HIBCH: variants seen among roughly 807,000 people sequenced by gnomAD.
HIBCH encodes the protein 3-hydroxyisobutyryl-CoA hydrolase.
A neutral mutation model predicts 58.2 loss-of-function variants in HIBCH; 50 were observed. The ratio of observed to expected loss-of-function variants is 0.86; its 90% CI spans 0.68 to 1.09. The LOEUF (loss-of-function observed/expected upper bound fraction) is 1.09. Among genes scored for constraint, HIBCH ranks in the 50% least tolerant of loss-of-function variants. The pLI is 0.00. For missense variants in HIBCH, 450 were observed against 449.7 expected, an observed-to-expected ratio of 1.00 and a Z score of -0.01; for synonymous variants, 151 against 146.9, an observed-to-expected ratio of 1.03 and a Z score of -0.20.
chr2:190,261,835 G>A (rs1687095103), intron 6 of HIBCH, among the ~76,000 whole-genome samples: 1 of 152,088 alleles, frequency 6.6e-6, no homozygotes, highest in African/African-American at 2.4e-5. Flanking sequence ...TACTAGATAA[G>A]GCCACTGCCT....
Position 190,208,929 on chromosome 2 carries a change from G to A in HIBCH, c.1012-16C>T. 3 of 1,611,304 alleles carry A rather than the reference G, an allele frequency of 1.9e-6. No homozygotes were observed. The highest frequency in any genetic ancestry group is 2.2e-5 in the South Asian group (2 of 90,912). On this transcript the variant is annotated splice_polypyrimidine_tract_variant and intron_variant, in intron 12 of 13. Transcript: ENST00000359678. ...CATGACCTCTCTGAAAGAAAATTGAGATTAAATGGGGATAATTTCTGGGTG... is the reference window on the plus strand; with the variant it reads ...CATGACCTCTCTGAAAGAAAATTGAAATTAAATGGGGATAATTTCTGGGTG...
rs538103400 is a variant in HIBCH, at chr2:190,276,113, G to A, written c.438+11473C>T. 2.8e-4 allele frequency among the ~76,000 whole-genome samples: 42 copies of A among 152,314 alleles called. 1 individual carries two copies. In the South Asian group the frequency reaches 8.5e-3, roughly 31 times the overall value. ...AAGAGAGAGAAGTGGTCCAGTCAAA[G>A]CACAAGCAGACTGGTCAAGAGCAAA... On this transcript the variant is annotated intron_variant, in intron 6 of 13. Transcript: ENST00000359678.
intron 11 of HIBCH, among the ~76,000 whole-genome samples, chr2:190,237,414 T>C (rs1686306639): frequency 6.6e-6 from 1 of 152,242 alleles, no homozygotes; most frequent in African/African-American, 2.4e-5. Flanking sequence ...GAAGTAGTAT[T>C]CCATTGTATA....
chr2:190,260,002 C>T (rs1170779141), intron 7 of HIBCH, among the ~76,000 whole-genome samples: 2 of 151,940 alleles, frequency 1.3e-5, no homozygotes, highest in African/African-American at 4.8e-5. Flanking sequence ...AAATCAGGAA[C>T]AAGGAAAAAA....
intron 1 of HIBCH, among the ~76,000 whole-genome samples, chr2:190,317,525 T>A (rs1305732671): frequency 6.6e-6 from 1 of 152,204 alleles, no homozygotes; most frequent in Non-Finnish European, 1.5e-5. Flanking sequence ...CTGGTAAAAC[T>A]GTATTTAATT....
At chr2:190,208,831 C>A in intron 13 of HIBCH, 49 bp downstream of exon 13, 1 of 1,535,422 alleles carries the variant, frequency 6.5e-7, no homozygotes, top group Non-Finnish European at 9.0e-7. Flanking sequence ...ACAGCATATG[C>A]TCACAAATCC....
intron 11 of HIBCH, among the ~76,000 whole-genome samples, chr2:190,226,641 C>CCTGTTTGCA (rs953185939): frequency 2.7e-5 from 4 of 150,870 alleles, no homozygotes; most frequent in African/African-American, 9.7e-5. Flanking sequence ...TCAAATTGTC[C>CCTGTTTGCA]CTGTTTGCAG....
intron 7 of HIBCH, among the ~76,000 whole-genome samples, chr2:190,256,979 T>C (rs1686942530): frequency 6.6e-6 from 1 of 152,142 alleles, no homozygotes; most frequent in South Asian, 2.1e-4. Context: ...GTGAGCCTTA[T>C]AGAAGTATGA....
At chr2:190,283,868 C>G (rs975471456) in intron 6 of HIBCH, among the ~76,000 whole-genome samples, 11 of 152,184 alleles carry the variant, frequency 7.2e-5, no homozygotes, top group Non-Finnish European at 1.3e-4. Flanking sequence ...TGGTACATAA[C>G]TAGTACCATT....
chr2:190,278,256 G>A (rs1432736523), intron 6 of HIBCH, among the ~76,000 whole-genome samples: 1 of 151,990 alleles, frequency 6.6e-6, no homozygotes, highest in Non-Finnish European at 1.5e-5. Context: ...CCAGGCTGAA[G>A]TGCAATGGTA....
downstream of HIBCH, chr2:190,199,912 G>T: frequency 1.2e-6 from 2 of 1,614,084 alleles, no homozygotes; most frequent in Non-Finnish European, 1.7e-6. Flanking sequence ...CATATATGAA[G>T]GTGAGAAGCA....
chr2:190,232,667 TAA>T lies in HIBCH; in HGVS notation c.891+12218_891+12219del, dbSNP rs1686139150. On this transcript the variant is annotated intron_variant, in intron 11 of 13. Transcript: ENST00000359678. ...GCCATTACTTTTATGACAAAAAACA[TAA>T]TAATAGAGGCCGGGCATGGTGGCTC... 5.3e-5 allele frequency among the ~76,000 whole-genome samples: 8 copies of T among 152,222 alleles called. No homozygotes were observed. The South Asian group carries it at 1.7e-3, about 32-fold the overall frequency.
intron 11 of HIBCH, among the ~76,000 whole-genome samples, chr2:190,220,071 A>G (rs536497119): frequency 6.6e-6 from 1 of 152,212 alleles, no homozygotes; most frequent in Non-Finnish European, 1.5e-5. Context: ...TAAAATAAGA[A>G]TTACAGATCT....
At chr2:190,309,400 G>A (rs184797086) in intron 2 of HIBCH, among the ~76,000 whole-genome samples, 2 of 151,976 alleles carry the variant, frequency 1.3e-5, no homozygotes, top group Admixed American at 1.3e-4. Context: ...ATTTTTATGT[G>A]CAATTTACTT....
chr2:190,317,869 G>A (rs1470277338), intron 1 of HIBCH, among the ~76,000 whole-genome samples: 1 of 151,002 alleles, frequency 6.6e-6, no homozygotes, highest in East Asian at 1.9e-4. Context: ...TGTCGCCCAG[G>A]CTGGAGTGCA....
chr2:190,192,050 G>A (rs759683524), intron 1 of HIBCH, among the ~76,000 whole-genome samples: 20 of 151,234 alleles, frequency 1.3e-4, no homozygotes, highest in Non-Finnish European at 2.5e-4. Context: ...ACCCAAGATC[G>A]CAAATGTTTT....
rs548189590 is a variant in HIBCH at position 190,253,632 on chromosome 2, T to C, written c.518-1325A>G. 2.0e-5 allele frequency among the ~76,000 whole-genome samples: 3 copies of C among 152,308 alleles called. No homozygotes were observed. The East Asian group carries it at 5.8e-4, about 29-fold the overall frequency. On this transcript the variant is annotated intron_variant, in intron 7 of 13. Coordinates refer to ENST00000359678, the MANE Select transcript of HIBCH (RefSeq NM_014362.4). ...TCCCTCTGAACTGTTCTCCACACAA[T>C]AGCCAAAGTGATCTTTTAAAAACAC... is the stretch of plus-strand genomic sequence containing the variant.
rs1279614838 is a variant in HIBCH, at chr2:190,193,167, T to TA, written c.*18-3171dup. 2.6e-5 allele frequency among the ~76,000 whole-genome samples: 4 copies of TA among 152,186 alleles called. No individual in the cohort carries two copies. In the East Asian group the frequency reaches 7.7e-4, roughly 29 times the overall value. ...TAATACTTTGCTGGGATTTTAAAAA[T>TA]AAAAAATGGTATTTTATCAAAATTT... On this transcript the variant is annotated intron_variant, in intron 1 of 1. Transcript: ENST00000399855.
At position 190,279,975 on chromosome 2, in the gene HIBCH, C is replaced by T. The variant is rs1174217170; in HGVS notation, c.438+7611G>A. On this transcript the variant is annotated intron_variant, in intron 6 of 13. Transcript: ENST00000359678. The surrounding 1 kb of genome is among the most constrained non-coding windows in gnomAD (Gnocchi z 4.2). ...GGTGAACGCGTCAGGTTATAAATTACCCTGTCCCCTTTGTTCGCTGTACTC... is the reference window on the plus strand; with the variant it reads ...GGTGAACGCGTCAGGTTATAAATTATCCTGTCCCCTTTGTTCGCTGTACTC... 2 of 152,562 alleles carry T rather than the reference C, an allele frequency of 1.3e-5. No individual in the cohort carries two copies. The highest frequency in any genetic ancestry group is 6.5e-5 in the Admixed American group (1 of 15,274). 9.5% of individuals were successfully genotyped at this position (152,562 alleles called of 1,614,324 possible).
Sources: allele counts gnomAD v4.1 joint callset (sites outside exome capture counted in the v4.1 genomes callset), GRCh38; gene constraint gnomAD v4.1.1; non-coding constraint Gnocchi (gnomAD v3.1); transcripts MANE v1.5; gene names NCBI Gene and HGNC (gene_info 2026-07-23, HGNC 2026-07-21).